Variants in MCTP1 observed in about 807,000 individuals in gnomAD.
MCTP1 encodes the protein multiple C2 and transmembrane domain-containing protein 1.
In MCTP1, 69 loss-of-function variants were observed where a neutral mutation model predicts 120.6. The observed-to-expected ratio is 0.57, with a 90% CI of 0.47 to 0.70. The LOEUF (loss-of-function observed/expected upper bound fraction) is 0.70. Ranked by LOEUF, MCTP1 falls within the 30% of genes least tolerant of loss-of-function variation. The pLI is 0.00. For synonymous variants in MCTP1, 529 were observed against 493.1 expected (o/e 1.07, Z -0.96); for missense variants, 1,203 against 1,248.8 (o/e 0.96, Z 0.55).
intron 1 of MCTP1, among the ~76,000 whole-genome samples, chr5:95,117,019 A>G (rs758390126): frequency 3.9e-5 from 6 of 152,200 alleles, no homozygotes; most frequent in Non-Finnish European, 5.9e-5. Flanking sequence ...TTCAGATTCT[A>G]TAAGAAACTT....
chr5:95,110,575 T>A (rs1757382829), intron 1 of MCTP1, among the ~76,000 whole-genome samples: 1 of 152,142 alleles, frequency 6.6e-6, no homozygotes, highest in African/African-American at 2.4e-5. Context: ...GTGGGGTTTA[T>A]TTTTTATACG....
At chr5:94,847,657 TG>T (rs2153221811) in intron 17 of MCTP1, among the ~76,000 whole-genome samples, 1 of 128,850 alleles carries the variant, frequency 7.8e-6, no homozygotes, top group African/African-American at 3.3e-5. Context: ...TGTGTGTGTG[TG>T]TGTGTGTGTG....
chr5:95,047,395 T>C (rs563583839), intron 1 of MCTP1, among the ~76,000 whole-genome samples: 1 of 152,234 alleles, frequency 6.6e-6, no homozygotes, highest in East Asian at 1.9e-4. Context: ...TCTTTGAAAG[T>C]CAAGTCCTGG....
intron 19 of MCTP1, among the ~76,000 whole-genome samples, chr5:94,755,803 C>G (rs1488036521): frequency 2.0e-5 from 3 of 152,166 alleles, no homozygotes; most frequent in African/African-American, 4.8e-5. Flanking sequence ...TCTGTAATAA[C>G]TTTGTATCTC....
chr5:95,133,055 T>C (rs148335095), intron 1 of MCTP1, among the ~76,000 whole-genome samples: 2 of 152,308 alleles, frequency 1.3e-5, no homozygotes, highest in African/African-American at 4.8e-5. Flanking sequence ...TCATCACACT[T>C]AAGTACCTGG....
At chr5:95,041,200 C>T (rs1322797682) in intron 1 of MCTP1, among the ~76,000 whole-genome samples, 1 of 150,366 alleles carries the variant, frequency 6.7e-6, no homozygotes, top group Non-Finnish European at 1.5e-5. Flanking sequence ...TATCATACTA[C>T]TTTTACAGAT....
intron 17 of MCTP1, among the ~76,000 whole-genome samples, chr5:94,859,002 C>T (rs964897936): frequency 6.6e-6 from 1 of 151,632 alleles, no homozygotes; most frequent in African/African-American, 2.4e-5. Context: ...GAAATGTGTT[C>T]CAAGGTCTAA....
intron 3 of MCTP1, among the ~76,000 whole-genome samples, chr5:94,951,900 G>A (rs1820688525): frequency 2.0e-5 from 3 of 152,188 alleles, no homozygotes; most frequent in East Asian, 1.9e-4. Flanking sequence ...GGCCGGGCAC[G>A]GTGGCTCATG....
chr5:95,047,912 C>T (rs1388820183), intron 1 of MCTP1, among the ~76,000 whole-genome samples: 2 of 152,122 alleles, frequency 1.3e-5, no homozygotes, highest in Non-Finnish European at 2.9e-5. Context: ...CACTAGCTAA[C>T]TCATAAATTT....
chr5:94,843,515 A>G (rs1410909136), intron 17 of MCTP1, among the ~76,000 whole-genome samples: 1 of 152,220 alleles, frequency 6.6e-6, no homozygotes, highest in Admixed American at 6.5e-5. Flanking sequence ...GTAAGACACA[A>G]GGTTAGGAAG....
chr5:95,022,400 C>T (rs896143157), intron 1 of MCTP1, among the ~76,000 whole-genome samples: 1 of 152,144 alleles, frequency 6.6e-6, no homozygotes, highest in Non-Finnish European at 1.5e-5. Flanking sequence ...TCTTGTTTCC[C>T]GTGTCTTTCT....
intron 19 of MCTP1, among the ~76,000 whole-genome samples, chr5:94,755,282 C>G (rs977939174): frequency 6.6e-6 from 1 of 152,198 alleles, no homozygotes; most frequent in Non-Finnish European, 1.5e-5. Context: ...CTTCTGAGAC[C>G]CTGATCCTCC....
At chr5:95,038,182 G>A in intron 1 of MCTP1, 1 of 901,918 alleles carries the variant, frequency 1.1e-6, no homozygotes, top group Non-Finnish European at 1.3e-6. Flanking sequence ...TTCCTTCCAG[G>A]TATAACTAAA....
intron 10 of MCTP1, among the ~76,000 whole-genome samples, chr5:94,898,068 G>T (rs1804566127): frequency 1.3e-5 from 2 of 152,154 alleles, no homozygotes; most frequent in South Asian, 4.1e-4. Flanking sequence ...CAATATAAAT[G>T]TATAGGGAAT....
At chr5:95,241,439 T>C (rs555016960) in intron 1 of MCTP1, among the ~76,000 whole-genome samples, 57 of 152,264 alleles carry the variant, frequency 3.7e-4, no homozygotes, top group Non-Finnish European at 6.8e-4. Flanking sequence ...CTTTAAACCA[T>C]AGCAGCTTGA....
At chr5:94,739,286 G>A (rs890081621) in intron 19 of MCTP1, 1 of 152,154 alleles carries the variant, frequency 6.6e-6, no homozygotes, top group Non-Finnish European at 1.5e-5. Context: ...AAACACATTA[G>A]ACAAGAATGT....
intron 1 of MCTP1, among the ~76,000 whole-genome samples, chr5:95,080,285 T>A (rs1029627054): frequency 6.6e-6 from 1 of 152,170 alleles, no homozygotes; most frequent in African/African-American, 2.4e-5. Context: ...TACATTTTGA[T>A]AATCATTCCA....
chr5:95,071,202 A>T (rs1376154497), intron 1 of MCTP1, among the ~76,000 whole-genome samples: 1 of 152,196 alleles, frequency 6.6e-6, no homozygotes, highest in South Asian at 2.1e-4. Context: ...TAACCTGGGC[A>T]TACCTATGAC....
At chr5:95,167,915 C>T (rs1366509925) in intron 1 of MCTP1, among the ~76,000 whole-genome samples, 1 of 152,160 alleles carries the variant, frequency 6.6e-6, no homozygotes, top group Non-Finnish European at 1.5e-5. Flanking sequence ...TCCCATTTGT[C>T]AATTTTGGCT....
Sources: gnomAD v4.1 joint callset for allele counts (sites outside exome capture counted in the v4.1 genomes callset) on GRCh38, gnomAD v4.1.1 for gene constraint, MANE v1.5 for transcripts, NCBI Gene and HGNC (gene_info 2026-07-23, HGNC 2026-07-21) for gene names.